The following STX1B variants were observed in gnomAD, a reference collection of about 807,000 sequenced individuals.
STX1B encodes syntaxin 1B.
A neutral mutation model predicts 39.4 loss-of-function variants in STX1B; 7 were observed. The ratio of observed to expected loss-of-function variants is 0.18; its 90% confidence interval spans 0.10 to 0.33. The LOEUF is 0.33. Ranked by LOEUF, STX1B falls within the 10% of genes least tolerant of loss-of-function variation. STX1B has a pLI of 1.00. For synonymous variants in STX1B, 136 were observed against 144.1 expected, an observed-to-expected ratio of 0.94 and a Z score of 0.40; for missense variants, 198 against 383.2, an observed-to-expected ratio of 0.52 and a Z score of 4.04.
At chr16:31,006,880 C>T (rs1389884038) in intron 1 of STX1B, among the ~76,000 whole-genome samples, 3 of 152,100 alleles carry the variant, frequency 2.0e-5, no homozygotes, top group Admixed American at 6.5e-5. Flanking sequence ...TTTGGGAGGG[C>T]GTGGCGGGAG....
intron 7 of STX1B, among the ~76,000 whole-genome samples, chr16:30,994,252 A>C (rs901361652): frequency 1.3e-5 from 2 of 150,726 alleles, no homozygotes; most frequent in East Asian, 2.0e-4. Flanking sequence ...AGATTGCGCC[A>C]CTGCACTCCA....
chr16:30,996,001 A>AC (rs1329190848), intron 7 of STX1B, among the ~76,000 whole-genome samples: 2 of 151,378 alleles, frequency 1.3e-5, no homozygotes, highest in South Asian at 2.1e-4. Context: ...ACAGAGGAAG[A>AC]CCCCCCATCT....
intron 7 of STX1B, among the ~76,000 whole-genome samples, chr16:30,993,688 GTGAGT>G (rs2056575540): frequency 6.6e-6 from 1 of 152,170 alleles, no homozygotes; most frequent in African/African-American, 2.4e-5. Flanking sequence ...TGAAGACTGA[GTGAGT>G]TAATATGTAC....
rs763983159 is a variant in STX1B, at chr16:31,001,155, C to T, written c.144G>A (p.Glu48=). 2 of 1,614,128 alleles carry T rather than the reference C, an allele frequency of 1.2e-6. No individual in the cohort carries two copies. The highest frequency in any genetic ancestry group is 3.3e-5 in the Admixed American group (2 of 60,032). The change falls in exon 3 of 10, where the codon GAG becomes GAA. Residue 48 remains glutamate (E), a synonymous_variant. Transcript: ENST00000215095. This position sits in a 1 kb window ranked among gnomAD's most constrained non-coding sequence, Gnocchi z 5.5. ...EIRGCIEKLS[E]DVEQVKKQHS... is the part of the protein sequence containing the mutation. ...GCTGTTTTTTCACCTGCTCCACATC[C>T]TCCGACAGTTTCTCAATGCAGCCCC...
rs375081258 is a variant in STX1B at position 31,001,640 on chromosome 16, T to C, written c.31-37A>G. On this transcript the variant is annotated intron_variant, in intron 1 of 9. Coordinates refer to ENST00000215095, the MANE Select transcript of STX1B (RefSeq NM_052874.5). This position sits in a 1 kb window ranked among gnomAD's most constrained non-coding sequence, Gnocchi z 5.5. ...GAAGGCTGAGTCCATGAGCAGGCCC[T>C]ACCTGGGTCCCCAAGGCTGGCTCTC... 4 of 1,569,940 alleles carry C rather than the reference T, an allele frequency of 2.5e-6. No homozygotes were observed. The highest frequency in any genetic ancestry group is 2.7e-5 in the African/African-American group (2 of 74,148).
chr16:31,001,701 G>A lies in STX1B; in HGVS notation c.31-98C>T. ...ACCCTCTCCCTGCTATGCACACACA[G>A]GTGCTCCCAGCTCTAGGCTCAGAGG... On this transcript the variant is annotated intron_variant, in intron 1 of 9. Transcript: ENST00000215095. This position sits in a 1 kb window ranked among gnomAD's most constrained non-coding sequence, Gnocchi z 5.5. 2.2e-6 allele frequency: 2 copies of A among 916,790 alleles called. No individual in the cohort carries two copies. Among genetic ancestry groups the A allele is most frequent in the Admixed American group, 4.5e-5 (2 of 44,930 alleles). 56.8% of individuals were successfully genotyped at this position (916,790 alleles called of 1,614,324 possible). A position where few individuals can be genotyped will look rare whatever the true frequency, so the allele number is the denominator to read the frequency against.
In STX1B at chr16:31,001,823, C is replaced by T. The variant is rs74015058; in HGVS notation, c.31-220G>A. On this transcript the variant is annotated intron_variant, in intron 1 of 9. Transcript: ENST00000215095. This position sits in a 1 kb window ranked among gnomAD's most constrained non-coding sequence, Gnocchi z 5.5. ...TCCTTAGAAGGAATTGGAAAAAGACCCCCTCTCAGGGTGGATGTGGCCTTG... is the reference window on the plus strand; with the variant it reads ...TCCTTAGAAGGAATTGGAAAAAGACTCCCTCTCAGGGTGGATGTGGCCTTG... Among the ~76,000 whole-genome samples the T allele has an allele frequency of 0.029, 4,387 of 152,256 alleles. 201 individuals are homozygous for T. Among genetic ancestry groups the T allele is most frequent in the African/African-American group, 0.1 (4,141 of 41,528 alleles).
At position 31,001,439 on chromosome 16, in the gene STX1B, G is replaced by A. The variant is rs1423670545; in HGVS notation, c.105+90C>T. The A allele has an allele frequency of 4.7e-6, 5 of 1,066,014 alleles. No individual in the cohort carries two copies. The Admixed American group carries it at 8.8e-5, about 19-fold the overall frequency. The allele number at this position is 1,066,014 out of a possible 1,614,324, so 66.0% of individuals were successfully genotyped here. A position where few individuals can be genotyped will look rare whatever the true frequency, so the allele number is the denominator to read the frequency against. ...GGCTGGGTGCTGGGGCTGGGGCTGG[G>A]TGCCGGGGCTGAGGCTGGGCGGTGG... On this transcript the variant is annotated intron_variant, in intron 2 of 9. Coordinates refer to ENST00000215095, the MANE Select transcript of STX1B (RefSeq NM_052874.5). This position sits in a 1 kb window ranked among gnomAD's most constrained non-coding sequence, Gnocchi z 5.5.
chr16:31,001,164 T>C lies in STX1B; in HGVS notation c.135A>G (p.Lys45=), dbSNP rs765071514. Residue 45 remains lysine, a synonymous_variant, in exon 3 of 10, where the codon AAA becomes AAG. Coordinates refer to ENST00000215095, the MANE Select transcript of STX1B (RefSeq NM_052874.5). The surrounding 1 kb of genome is among the most constrained non-coding windows in gnomAD (Gnocchi z 5.5). ...TCACCTGCTCCACATCCTCCGACAG[T>C]TTCTCAATGCAGCCCCGGATCTCTT... The part of the protein sequence containing the change: ...QVEEIRGCIE[K]LSEDVEQVKK... The C allele has an allele frequency of 3.1e-6, 5 of 1,613,874 alleles. No homozygotes were observed. Among genetic ancestry groups the C allele is most frequent in the Non-Finnish European group, 4.2e-6 (5 of 1,180,002 alleles).
intron 7 of STX1B, 45 bp downstream of exon 7, chr16:30,996,638 G>A (rs1293948675): frequency 1.3e-6 from 2 of 1,591,978 alleles, no homozygotes; most frequent in East Asian, 2.2e-5. Flanking sequence ...AGGGAGGGGA[G>A]GCAAAAATTT....
At chr16:30,999,586 T>G (rs2056613104) in intron 4 of STX1B, among the ~76,000 whole-genome samples, 1 of 152,148 alleles carries the variant, frequency 6.6e-6, no homozygotes, top group Non-Finnish European at 1.5e-5. Context: ...AGTGAATAAA[T>G]GAACATTTGG....
rs760027161 is a variant in STX1B at position 31,006,007 on chromosome 16, C to T, written c.30+4360G>A. On this transcript the variant is annotated intron_variant, in intron 1 of 9. Coordinates refer to ENST00000215095, the MANE Select transcript of STX1B (RefSeq NM_052874.5). Reference sequence around the variant, plus strand: ...GAAGGAGGAGAGTGACAGTGAGAGCCAGCAAGTCAGTGACCAGAGAGACAG... The same window carrying T: ...GAAGGAGGAGAGTGACAGTGAGAGCTAGCAAGTCAGTGACCAGAGAGACAG... Among the ~76,000 whole-genome samples the T allele has an allele frequency of 4.0e-4, 61 of 152,176 alleles. 1 individual carries two copies. The highest frequency in any genetic ancestry group is 1.7e-3 in the Admixed American group (26 of 15,274).
rs1475726682 is a variant in STX1B, at chr16:30,993,113, C to A, written c.786+17G>T. 1.2e-6 allele frequency: 2 copies of A among 1,612,224 alleles called. No homozygotes were observed. Among genetic ancestry groups the A allele is most frequent in the Non-Finnish European group, 1.7e-6 (2 of 1,178,354 alleles). On this transcript the variant is annotated intron_variant, in intron 9 of 9. Transcript: ENST00000215095. ...TTGGGCTCCCCCGCCTACCCCCAGG[C>A]CGCCTGCCCCGCTCACCCTCCGGGC...
Position 30,996,365 on chromosome 16 carries a change from C to A in STX1B, c.537+318G>T, listed in dbSNP as rs553625916. 8.0e-5 allele frequency: 22 copies of A among 275,592 alleles called. No individual in the cohort carries two copies. In the East Asian group the frequency reaches 1.7e-3, roughly 22 times the overall value. 17.1% of individuals were successfully genotyped at this position (275,592 alleles called of 1,614,324 possible). A position where few individuals can be genotyped will look rare whatever the true frequency, so the allele number is the denominator to read the frequency against. ...CCCTCTCCCTCGCTCTGAGATCTTG[C>A]CAAGTGATTTCATCTCTCTGGGCCA... On this transcript the variant is annotated intron_variant, in intron 7 of 9. Transcript: ENST00000215095.
intron 1 of STX1B, 138 bp downstream of exon 1, chr16:31,010,229 A>G: frequency 1.8e-6 from 1 of 560,802 alleles, no homozygotes; most frequent in East Asian, 3.6e-5. Context: ...CAGGCGCCTG[A>G]AGATACTGGG....
chr16:31,005,470 C>CTTTTTTTTTTTTTT (rs35407745), intron 1 of STX1B, among the ~76,000 whole-genome samples: 1 of 113,730 alleles, frequency 8.8e-6, no homozygotes, highest in Non-Finnish European at 1.7e-5. Flanking sequence ...TTTCTTTTTC[C>CTTTTTTTTTTTTTT]TTTTTTTTTT....
chr16:31,010,188 T>C (rs1434223417), intron 1 of STX1B, among the ~76,000 whole-genome samples, 179 bp downstream of exon 1: 1 of 151,882 alleles, frequency 6.6e-6, no homozygotes, highest in East Asian at 1.9e-4. Flanking sequence ...CCAGGCACTG[T>C]CCCCAAAATG....
At chr16:30,999,439 T>C (rs2056612340) in intron 4 of STX1B, among the ~76,000 whole-genome samples, 1 of 152,232 alleles carries the variant, frequency 6.6e-6, no homozygotes, top group Non-Finnish European at 1.5e-5. Context: ...TGTTTTCTGA[T>C]ACTGACTTAC....
chr16:31,001,756 T>C lies in STX1B; in HGVS notation c.31-153A>G, dbSNP rs1205363792. On this transcript the variant is annotated intron_variant, in intron 1 of 9. Coordinates refer to ENST00000215095, the MANE Select transcript of STX1B (RefSeq NM_052874.5). This position sits in a 1 kb window ranked among gnomAD's most constrained non-coding sequence, Gnocchi z 5.5. ...GTCCTGGGAGGGGTCCCATGCAGGG[T>C]AGATGGCAAAGGCACCAAAAGTGTT... 6.6e-6 allele frequency among the ~76,000 whole-genome samples: 1 copy of C among 151,946 alleles called. No individual in the cohort carries two copies. The highest frequency in any genetic ancestry group is 1.5e-5 in the Non-Finnish European group (1 of 67,984).
Sources: gnomAD v4.1 joint callset for allele counts (sites outside exome capture counted in the v4.1 genomes callset) on GRCh38, gnomAD v4.1.1 for gene constraint, Gnocchi (gnomAD v3.1) non-coding constraint, MANE v1.5 for transcripts, NCBI Gene and HGNC (gene_info 2026-07-23, HGNC 2026-07-21) for gene names.